PLEKHG1: variants seen among roughly 807,000 people sequenced by gnomAD.
PLEKHG1 encodes pleckstrin homology and RhoGEF domain containing G1, also known as pleckstrin homology domain-containing family G member 1.
In PLEKHG1, 44 loss-of-function variants were observed where a neutral mutation model predicts 100.8. That is an observed-to-expected ratio of 0.44 (90% CI 0.34 to 0.56). The LOEUF is 0.56. PLEKHG1 is among the 20% of genes least tolerant of loss of function. The pLI is 0.01. For missense variants in PLEKHG1, 1,545 were observed against 1,720.9 expected, an observed-to-expected ratio of 0.90 and a Z score of 1.81; for synonymous variants, 640 against 662.5, an observed-to-expected ratio of 0.97 and a Z score of 0.52.
chr6:150,757,577 GTGTA>G (rs1325470208), intron 2 of PLEKHG1, among the ~76,000 whole-genome samples: 1 of 151,964 alleles, frequency 6.6e-6, no homozygotes, highest in African/African-American at 2.4e-5. Flanking sequence ...GTGTGTGTGT[GTGTA>G]TGTGTGTGTC....
intron 2 of PLEKHG1, among the ~76,000 whole-genome samples, chr6:150,747,424 T>TA (rs1783222531): frequency 6.6e-6 from 1 of 152,356 alleles, no homozygotes; most frequent in South Asian, 2.1e-4. Context: ...CATGACTTTT[T>TA]AACCTACATA....
rs759617358 is a variant in PLEKHG1 at position 150,831,193 on chromosome 6, G to A, written c.2082G>A (p.Lys694=). 6.8e-6 allele frequency: 11 copies of A among 1,614,016 alleles called. No individual in the cohort carries two copies. In the South Asian group the frequency reaches 1.1e-4, roughly 16 times the overall value. The change falls in exon 15 of 16, where the codon AAG becomes AAA. Residue 694 remains lysine (K), a synonymous_variant. Coordinates refer to ENST00000358517, the Ensembl canonical transcript of PLEKHG1. The surrounding 1 kb of genome is among the most constrained non-coding windows in gnomAD (Gnocchi z 4.1). ...CAGCCAGGGACTCCGTTCGCCCCAA[G>A]AGCACCCCAGAGTTAGCCTTCACAA...
At chr6:150,648,659 AC>A (rs1778594707) in intron 2 of PLEKHG1, among the ~76,000 whole-genome samples, 1 of 151,998 alleles carries the variant, frequency 6.6e-6, no homozygotes, top group East Asian at 1.9e-4. Context: ...CTCTCTTTGT[AC>A]CTTATCAGAT....
At chr6:150,660,693 A>G (rs533623403) in intron 3 of PLEKHG1, among the ~76,000 whole-genome samples, 17 of 152,294 alleles carry the variant, frequency 1.1e-4, no homozygotes, top group Admixed American at 7.2e-4. Flanking sequence ...TATAATTCCA[A>G]CTGGAGCTTT....
At chr6:150,627,715 A>G (rs917032377) in intron 1 of PLEKHG1, among the ~76,000 whole-genome samples, 6 of 152,206 alleles carry the variant, frequency 3.9e-5, no homozygotes, top group South Asian at 2.1e-4. Flanking sequence ...CAAGTATAAT[A>G]AAACTGGATA....
chr6:150,838,621 T>C (rs376836762), intron 15 of PLEKHG1, among the ~76,000 whole-genome samples: 2 of 152,290 alleles, frequency 1.3e-5, no homozygotes, highest in East Asian at 3.9e-4. Context: ...CCATCTTAAA[T>C]TTTTGCTAGC....
intron 3 of PLEKHG1, among the ~76,000 whole-genome samples, chr6:150,684,815 T>C (rs1456927708): frequency 6.6e-6 from 1 of 152,050 alleles, no homozygotes. Context: ...GGGAAATGAC[T>C]TCATGGGCTT....
chr6:150,753,037 C>T (rs182876025), intron 2 of PLEKHG1, among the ~76,000 whole-genome samples: 28 of 152,168 alleles, frequency 1.8e-4, no homozygotes, highest in Admixed American at 8.5e-4. Context: ...GGCTTGAGCC[C>T]GGGAGGTGGA....
intron 2 of PLEKHG1, among the ~76,000 whole-genome samples, chr6:150,765,456 T>G (rs1443089194): frequency 6.7e-6 from 1 of 148,366 alleles, no homozygotes; most frequent in Non-Finnish European, 1.5e-5. Context: ...ATTGTGCCAC[T>G]GCACTCCAGC....
At chr6:150,767,145 G>C (rs1784491470) in intron 2 of PLEKHG1, among the ~76,000 whole-genome samples, 1 of 152,220 alleles carries the variant, frequency 6.6e-6, no homozygotes, top group African/African-American at 2.4e-5. Context: ...TTTTGAGGGA[G>C]TGTAGGTTTT....
chr6:150,622,722 C>T (rs1777352235), intron 1 of PLEKHG1, among the ~76,000 whole-genome samples: 2 of 152,228 alleles, frequency 1.3e-5, no homozygotes, highest in Non-Finnish European at 2.9e-5. Flanking sequence ...TCTAGGCATC[C>T]TCTGCCCTAG....
chr6:150,791,217 C>A (rs1785960837), intron 4 of PLEKHG1, among the ~76,000 whole-genome samples: 1 of 152,114 alleles, frequency 6.6e-6, no homozygotes, highest in Non-Finnish European at 1.5e-5. Context: ...TATGTTTTAA[C>A]AGTCCCTCCA....
At chr6:150,636,322 C>T (rs771790221) in intron 1 of PLEKHG1, among the ~76,000 whole-genome samples, 1 of 152,022 alleles carries the variant, frequency 6.6e-6, no homozygotes, top group Non-Finnish European at 1.5e-5. Flanking sequence ...ACACATGACA[C>T]ACACAGCCAC....
upstream of PLEKHG1, among the ~76,000 whole-genome samples, chr6:150,719,878 A>C (rs1460820880): frequency 6.6e-6 from 1 of 152,240 alleles, no homozygotes; most frequent in Non-Finnish European, 1.5e-5. Flanking sequence ...TGTCTTCTGA[A>C]CTATTTCCTT....
chr6:150,642,013 G>A (rs1471568173), intron 2 of PLEKHG1, among the ~76,000 whole-genome samples: 1 of 149,032 alleles, frequency 6.7e-6, no homozygotes, highest in Non-Finnish European at 1.5e-5. Flanking sequence ...ACAGAAGCCT[G>A]GGTAAAAAAA....
exon 15 of PLEKHG1, chr6:150,832,065 A>G: frequency 1.2e-6 from 2 of 1,614,212 alleles, no homozygotes; most frequent in Non-Finnish European, 1.7e-6. Flanking sequence ...CAGTACAGTC[A>G]GAAGATTAAG....
intron 3 of PLEKHG1, among the ~76,000 whole-genome samples, chr6:150,653,747 CA>C (rs905909374): frequency 2.7e-4 from 39 of 142,298 alleles, no homozygotes; most frequent in African/African-American, 4.4e-4. Flanking sequence ...GACCCTATCG[CA>C]AAAAAAAAAG....
chr6:150,795,339 T>A lies in PLEKHG1; in HGVS notation c.583-517T>A, dbSNP rs544290853. Among the ~76,000 whole-genome samples the A allele has an allele frequency of 2.7e-5, 4 of 147,896 alleles. No homozygotes were observed. In the East Asian group the frequency reaches 8.1e-4, roughly 30 times the overall value. ...GGGGAGGCAGAGGCAGAGGCTACAG[T>A]GAGCAGAGATTGTGCCACTGCACTC... On this transcript the variant is annotated intron_variant, in intron 4 of 15. Transcript: ENST00000358517.
chr6:150,715,846 C>G (rs1404661499), intron 3 of PLEKHG1, among the ~76,000 whole-genome samples: 4 of 149,086 alleles, frequency 2.7e-5, no homozygotes, highest in Non-Finnish European at 4.5e-5. Flanking sequence ...CGGTGGCTCA[C>G]GCCTGTAATC....
Sources: gnomAD v4.1 joint callset for allele counts (sites outside exome capture counted in the v4.1 genomes callset) on GRCh38, gnomAD v4.1.1 for gene constraint, Gnocchi (gnomAD v3.1) non-coding constraint, MANE v1.5 for transcripts, NCBI Gene and HGNC (gene_info 2026-07-23, HGNC 2026-07-21) for gene names.